Variants in ZMIZ1 observed in about 807,000 individuals in gnomAD.
The protein encoded by ZMIZ1 is zinc finger MIZ domain-containing protein 1.
A neutral mutation model predicts 113.9 loss-of-function variants in ZMIZ1; 17 were observed. The observed-to-expected ratio is 0.15, with a 90% CI of 0.10 to 0.22. The LOEUF (loss-of-function observed/expected upper bound fraction) is 0.22, where lower values mean the gene tolerates loss of function less well. ZMIZ1 is among the 10% of genes least tolerant of loss of function. The pLI is 1.00. For missense variants in ZMIZ1, 1,059 were observed against 1,477.8 expected (o/e 0.72, Z 4.65); for synonymous variants, 607 against 603.1 (o/e 1.01, Z -0.09).
chr10:79,117,277 C>T (rs889941152), intron 1 of ZMIZ1, among the ~76,000 whole-genome samples: 2 of 152,248 alleles, frequency 1.3e-5, no homozygotes, highest in Non-Finnish European at 2.9e-5. Flanking sequence ...GAACAGACTC[C>T]GCCTCTTGAT....
intron 7 of ZMIZ1, among the ~76,000 whole-genome samples, chr10:79,246,456 C>T (rs993962122): frequency 1.3e-5 from 2 of 152,278 alleles, no homozygotes; most frequent in Admixed American, 6.5e-5. Context: ...TTGAGCGATG[C>T]GGCATGGGTC....
chr10:79,247,145 C>G (rs1313064704), intron 7 of ZMIZ1, among the ~76,000 whole-genome samples: 1 of 152,070 alleles, frequency 6.6e-6, no homozygotes, highest in African/African-American at 2.4e-5. Flanking sequence ...TCTGAAAATG[C>G]GGTGGCTTTC....
chr10:79,230,353 T>G (rs576523752), intron 7 of ZMIZ1, among the ~76,000 whole-genome samples: 4 of 152,324 alleles, frequency 2.6e-5, no homozygotes, highest in African/African-American at 9.6e-5. Flanking sequence ...GCTCACAGGC[T>G]GCTGCCCTGC....
At chr10:79,205,950 C>T (rs1323691526) in intron 5 of ZMIZ1, among the ~76,000 whole-genome samples, 1 of 151,986 alleles carries the variant, frequency 6.6e-6, no homozygotes, top group Non-Finnish European at 1.5e-5. Flanking sequence ...TTAACAACAA[C>T]AACAAAAAGT....
In ZMIZ1 at chr10:79,182,284, C is replaced by T. The variant is rs1240364555; in HGVS notation, c.-49-19300C>T. On this transcript the variant is annotated intron_variant, in intron 4 of 24. Coordinates refer to ENST00000334512, the MANE Select transcript of ZMIZ1 (RefSeq NM_020338.4). The stretch of plus-strand genomic sequence containing the variant: ...CTAGGTCACACAGCAGTTTAGAGGA[C>T]AGCCAAGTCTGGGCTGCCTGGCTGC... Among the ~76,000 whole-genome samples the T allele has an allele frequency of 2.6e-5, 4 of 152,318 alleles. No individual in the cohort carries two copies. The East Asian group carries it at 7.7e-4, about 29-fold the overall frequency.
At chr10:79,298,163 T>C (rs991374959) in intron 14 of ZMIZ1, among the ~76,000 whole-genome samples, 6 of 152,124 alleles carry the variant, frequency 3.9e-5, no homozygotes, top group African/African-American at 1.4e-4. Context: ...GGTAAGGGTC[T>C]CCACAGGCAC....
chr10:79,179,609 T>C (rs905264129), intron 4 of ZMIZ1, among the ~76,000 whole-genome samples: 46 of 152,334 alleles, frequency 3.0e-4, no homozygotes, highest in Non-Finnish European at 6.2e-4. Context: ...TTCCCACTGG[T>C]GTGCTTCAGT....
chr10:79,265,875 T>C (rs1056520580), intron 7 of ZMIZ1, among the ~76,000 whole-genome samples: 14 of 152,276 alleles, frequency 9.2e-5, no homozygotes, highest in Admixed American at 8.5e-4. Context: ...TCCACTCTAC[T>C]CTCTGGGCTT....
chr10:79,214,007 C>T lies in ZMIZ1; in HGVS notation c.175-2162C>T, dbSNP rs1213940205. Among the ~76,000 whole-genome samples, 3 of 152,164 alleles carry T rather than the reference C, an allele frequency of 2.0e-5. No individual in the cohort carries two copies. The East Asian group carries it at 5.8e-4, about 29-fold the overall frequency. ...AGCCTCACTACTGCACCAGTCGAAA[C>T]AGGCCGCTCTGTGCTCACAGGCATC... On this transcript the variant is annotated intron_variant, in intron 6 of 24. Transcript: ENST00000334512.
At chr10:79,218,173 CTTTA>C (rs1372761697) in intron 7 of ZMIZ1, among the ~76,000 whole-genome samples, 1 of 152,118 alleles carries the variant, frequency 6.6e-6, no homozygotes, top group African/African-American at 2.4e-5. Context: ...TCCACGAAAA[CTTTA>C]TTTATGAAAA....
chr10:79,290,719 A>C lies in ZMIZ1; in HGVS notation c.541-240A>C, dbSNP rs953984572. 3 of 689,122 alleles carry C rather than the reference A, an allele frequency of 4.4e-6. No individual in the cohort carries two copies. The African/African-American group carries it at 5.3e-5, about 12-fold the overall frequency. The allele number at this position is 689,122 out of a possible 1,614,324, so 42.7% of individuals were successfully genotyped here. On this transcript the variant is annotated intron_variant, in intron 9 of 24. Transcript: ENST00000334512. ...TGAACTGGCTTTGTGGGGCTTGGTC[A>C]TACCCTCAGCTTGTTCCATCACAAG...
chr10:79,189,159 G>C (rs1486200710), intron 4 of ZMIZ1, among the ~76,000 whole-genome samples: 1 of 152,216 alleles, frequency 6.6e-6, no homozygotes, highest in African/African-American at 2.4e-5. Context: ...GAACATTTGT[G>C]ACTGTCCTTT....
intron 4 of ZMIZ1, among the ~76,000 whole-genome samples, chr10:79,180,153 C>T (rs1377582847): frequency 2.0e-5 from 3 of 152,212 alleles, no homozygotes; most frequent in Non-Finnish European, 4.4e-5. Context: ...GCATGGCCTG[C>T]TCCTGATCAG....
At chr10:79,070,556 C>T (rs987920435) in intron 1 of ZMIZ1, among the ~76,000 whole-genome samples, 2 of 152,126 alleles carry the variant, frequency 1.3e-5, no homozygotes, top group African/African-American at 4.8e-5. Flanking sequence ...CACCCCTCCC[C>T]GGGGACAGCC....
At chr10:79,093,294 TTTA>T (rs1312323650) in intron 1 of ZMIZ1, among the ~76,000 whole-genome samples, 787 of 5,394 alleles carry the variant, frequency 0.15, 4 homozygotes, top group East Asian at 0.31. Context: ...TTTTATTTTA[TTTA>T]TTTATTTATT....
Position 79,069,875 on chromosome 10 carries a change from G to A in ZMIZ1, c.-337+605G>A, listed in dbSNP as rs1428407891. Among the ~76,000 whole-genome samples, 3 of 151,606 alleles carry A rather than the reference G, an allele frequency of 2.0e-5. No individual in the cohort carries two copies. The highest frequency in any genetic ancestry group is 2.0e-4 in the East Asian group (1 of 5,066). On this transcript the variant is annotated intron_variant, in intron 1 of 24. Transcript: ENST00000334512. The surrounding 1 kb of genome is among the most constrained non-coding windows in gnomAD (Gnocchi z 4.6). ...ATTGCCCGGGGAAAGCTGGCGCGCG[G>A]TACAAACGAGAAACGCGGAGGTGTG...
chr10:79,272,861 C>A (rs1486545893), intron 7 of ZMIZ1, among the ~76,000 whole-genome samples: 1 of 152,162 alleles, frequency 6.6e-6, no homozygotes, highest in Admixed American at 6.5e-5. Flanking sequence ...ATTGGCAGTT[C>A]GAGTCTGGGA....
intron 4 of ZMIZ1, among the ~76,000 whole-genome samples, chr10:79,178,736 C>A (rs1846978594): frequency 6.6e-6 from 1 of 152,206 alleles, no homozygotes; most frequent in Non-Finnish European, 1.5e-5. Flanking sequence ...ATCTGTCAGC[C>A]CAGCCGGAGA....
chr10:79,230,168 C>A (rs1037370676), intron 7 of ZMIZ1, among the ~76,000 whole-genome samples: 6 of 152,070 alleles, frequency 3.9e-5, no homozygotes, highest in Admixed American at 6.5e-5. Flanking sequence ...CCCCGCCCCC[C>A]TTTCTCCTTC....
Sources: gnomAD v4.1 joint callset for allele counts (sites outside exome capture counted in the v4.1 genomes callset) on GRCh38, gnomAD v4.1.1 for gene constraint, Gnocchi (gnomAD v3.1) non-coding constraint, MANE v1.5 for transcripts, NCBI Gene and HGNC (gene_info 2026-07-23, HGNC 2026-07-21) for gene names.